Variants in PDCD5 observed in about 807,000 individuals in gnomAD.
PDCD5 encodes programmed cell death 5.
PDCD5 carries 23 observed loss-of-function variants against 21.9 expected under a neutral mutation model. That is an observed-to-expected ratio of 1.05 (90% CI 0.76 to 1.49). PDCD5 has a LOEUF of 1.49. PDCD5 is among the 40% of genes most tolerant of loss of function. The probability of loss-of-function intolerance (pLI) is 0.00; values close to 1 mark genes in which losing one functional copy is unlikely to be tolerated. For synonymous variants in PDCD5, 45 were observed against 49.4 expected, an observed-to-expected ratio of 0.91 and a Z score of 0.37; for missense variants, 152 against 147.7, an observed-to-expected ratio of 1.03 and a Z score of -0.15.
At chr19:32,586,723 C>T in intron 4 of PDCD5, 135 bp from the exon 5 acceptor site, 1 of 1,384,246 alleles carries the variant, frequency 7.2e-7, no homozygotes, top group Non-Finnish European at 9.4e-7. Flanking sequence ...ATAGTTTCAA[C>T]CTCCTGCCTC....
At chr19:32,584,894 C>T in intron 2 of PDCD5, 56 bp from the exon 3 acceptor site, 2 of 1,403,684 alleles carry the variant, frequency 1.4e-6, no homozygotes, top group Non-Finnish European at 2.0e-6. Flanking sequence ...TCGTATGTTA[C>T]ATGGGAATGC....
chr19:32,581,467 C>T, intron 1 of PDCD5, 140 bp downstream of exon 1: 2 of 465,208 alleles, frequency 4.3e-6, no homozygotes, highest in Non-Finnish European at 3.5e-6. Flanking sequence ...GGCCTCGTGG[C>T]CGGCTCAGAG....
chr19:32,586,927 A>G lies in PDCD5; in HGVS notation c.328A>G (p.Lys110Glu). 1 of 1,609,540 alleles carries G rather than the reference A, an allele frequency of 6.2e-7. No homozygotes were observed. Among genetic ancestry groups the G allele is most frequent in the South Asian group, 1.1e-5 (1 of 90,518 alleles). Residue 110 changes from lysine to glutamate, a missense_variant and splice_region_variant, in exon 5 of 6, where the codon AAA (lysine) becomes GAA (glutamate). Lys to Glu is a moderately conservative substitution (Grantham distance 56). Transcript: ENST00000590247. ...ACAAACAGAAAAGACAACAACAGTGAAAGTAAGTGTCCCCAGATGCTTGTG... is the reference window on the plus strand; with the variant it reads ...ACAAACAGAAAAGACAACAACAGTGGAAGTAAGTGTCCCCAGATGCTTGTG... ...SQQTEKTTTV[K>E]FNRRKVMDSD...
chr19:32,586,398 C>A, intron 4 of PDCD5: 1 of 1,188,876 alleles, frequency 8.4e-7, no homozygotes, highest in Non-Finnish European at 1.0e-6. Flanking sequence ...CCGAATTGGT[C>A]CTGTCCCCTA....
intron 5 of PDCD5, 142 bp from the exon 6 acceptor site, chr19:32,587,111 A>G: frequency 1.3e-6 from 1 of 793,226 alleles, no homozygotes; most frequent in African/African-American, 1.7e-5. Context: ...TAGGCTCTTG[A>G]CTCCATTCCC....
At position 32,585,010 on chromosome 19, in the gene PDCD5, G is replaced by A. The variant is rs34724018; in HGVS notation, c.165G>A (p.Arg55=). 15,246 of 1,612,374 alleles carry A rather than the reference G, an allele frequency of 9.5e-3. 1,209 individuals are homozygous for A. The African/African-American group carries it at 0.17, about 18-fold the overall frequency. The change falls in exon 3 of 6, where the codon AGG becomes AGA. Residue 55 remains arginine (R), a splice_region_variant and synonymous_variant. Transcript: ENST00000590247. ...TTCTGGATCAGTCGGCCCGGGCCAG[G>A]TGTAAGCATCTTTGATTTCATTTCC... The part of the protein sequence containing the change: ...AQVLDQSARA[R]LSNLALVKPE...
chr19:32,584,995 G>C lies in PDCD5; in HGVS notation c.150G>C (p.Gln50His), dbSNP rs1335676782. 1.2e-6 allele frequency: 2 copies of C among 1,613,776 alleles called. No homozygotes were observed. The highest frequency in any genetic ancestry group is 3.3e-5 in the Admixed American group (2 of 60,010). ...RNSILAQVLD[Q>H]SARARLSNLA... ...GTATCTTAGCCCAAGTTCTGGATCA[G>C]TCGGCCCGGGCCAGGTGTAAGCATC... The change falls in exon 3 of 6, where the codon CAG (glutamine) becomes CAC (histidine). Residue 50 changes from glutamine to histidine, a missense_variant. Transcript: ENST00000590247.
intron 4 of PDCD5, chr19:32,586,389 CGA>C (rs1568388402): frequency 8.4e-7 from 1 of 1,194,134 alleles, no homozygotes; most frequent in African/African-American, 1.6e-5. Flanking sequence ...ACAGCCTACC[CGA>C]ATTGGTCCTG....
At chr19:32,585,938 T>C in intron 4 of PDCD5, 31 bp downstream of exon 4, 1 of 1,614,032 alleles carries the variant, frequency 6.2e-7, no homozygotes, top group African/African-American at 1.3e-5. Context: ...GGAACTTTAC[T>C]GTTACCTGCT....
chr19:32,586,475 C>CT, intron 4 of PDCD5: 2 of 1,103,026 alleles, frequency 1.8e-6, no homozygotes, highest in Non-Finnish European at 2.2e-6. Flanking sequence ...CCGAGTGTGA[C>CT]TTACCTCCTT....
At chr19:32,581,473 C>T (rs1263222844) in intron 1 of PDCD5, 146 bp downstream of exon 1, 2 of 426,120 alleles carry the variant, frequency 4.7e-6, no homozygotes, top group East Asian at 3.9e-5. Flanking sequence ...GTGGCCGGCT[C>T]AGAGGTGGCC....
At chr19:32,582,373 A>T in intron 2 of PDCD5, 141 bp downstream of exon 2, 1 of 690,578 alleles carries the variant, frequency 1.4e-6, no homozygotes, top group South Asian at 1.6e-5. Flanking sequence ...TCCGCAGGGT[A>T]TCTTCATTAT....
intron 4 of PDCD5, chr19:32,586,470 T>C (rs1971477428): frequency 1.8e-6 from 2 of 1,104,372 alleles, no homozygotes; most frequent in Non-Finnish European, 2.2e-6. Context: ...CTTTTCCGAG[T>C]GTGACTTACC....
chr19:32,581,465 G>C (rs541124837), intron 1 of PDCD5, 138 bp downstream of exon 1: 1 of 467,778 alleles, frequency 2.1e-6, no homozygotes, highest in Admixed American at 4.5e-5. Flanking sequence ...GCGGCCTCGT[G>C]GCCGGCTCAG....
chr19:32,581,780 A>AGG (rs953715096), intron 1 of PDCD5: 5 of 214,286 alleles, frequency 2.3e-5, no homozygotes, highest in Non-Finnish European at 3.6e-5. Context: ...GATGACAGGG[A>AGG]GGGGCCGCCT....
At chr19:32,586,733 C>T in intron 4 of PDCD5, 125 bp from the exon 5 acceptor site, 1 of 1,399,730 alleles carries the variant, frequency 7.1e-7, no homozygotes, top group Non-Finnish European at 9.3e-7. Flanking sequence ...CCTCCTGCCT[C>T]ACCACTGCTT....
In PDCD5 at chr19:32,586,911, AAAGAC is replaced by A; in HGVS notation, c.315_319del (p.Lys105AsnfsTer14). ...TTAAAAAAGTAAGCCAACAAACAGA[AAAGAC>A]AACAACAGTGAAAGTAAGTGTCCCC... On this transcript the variant is annotated frameshift_variant, in exon 5 of 6. Coordinates refer to ENST00000590247, the MANE Select transcript of PDCD5 (RefSeq NM_004708.4). LOFTEE classifies it high-confidence loss of function. The A allele has an allele frequency of 6.2e-7, 1 of 1,612,354 alleles. No homozygotes were observed. Among genetic ancestry groups the A allele is most frequent in the Non-Finnish European group, 8.5e-7 (1 of 1,179,112 alleles).
Position 32,581,248 on chromosome 19 carries a change from G to C in PDCD5, c.-14G>C. 1 of 1,502,760 alleles carries C rather than the reference G, an allele frequency of 6.7e-7. No individual in the cohort carries two copies. The highest frequency in any genetic ancestry group is 8.9e-7 in the Non-Finnish European group (1 of 1,128,586). 93.1% of individuals were successfully genotyped at this position (1,502,760 alleles called of 1,614,324 possible). A position where few individuals can be genotyped will look rare whatever the true frequency, so the allele number is the denominator to read the frequency against. On this transcript the variant is annotated 5_prime_UTR_variant, in exon 1 of 6. Transcript: ENST00000590247. Reference sequence around the variant, plus strand: ...CGAGAGTGACCGCGGCTGCTCCAGCGCTGACGCCGAGCCATGGCGGACGAG... The same window carrying C: ...CGAGAGTGACCGCGGCTGCTCCAGCCCTGACGCCGAGCCATGGCGGACGAG...
At chr19:32,583,985 C>T (rs1392875364) in intron 2 of PDCD5, among the ~76,000 whole-genome samples, 1 of 152,110 alleles carries the variant, frequency 6.6e-6, no homozygotes, top group African/African-American at 2.4e-5. Context: ...GCACCCGCCA[C>T]CATGCCCGGC....
Sources: allele counts gnomAD v4.1 joint callset (sites outside exome capture counted in the v4.1 genomes callset), GRCh38; gene constraint gnomAD v4.1.1; transcripts MANE v1.5; gene names NCBI Gene and HGNC (gene_info 2026-07-23, HGNC 2026-07-21).